The following ZNF85 variants were observed in gnomAD, a reference collection of about 807,000 sequenced individuals.
ZNF85 encodes zinc finger protein 85.
A neutral mutation model predicts 53.9 loss-of-function variants in ZNF85; 50 were observed. The ratio of observed to expected loss-of-function variants is 0.93; its 90% CI spans 0.74 to 1.17. ZNF85 has a LOEUF of 1.17. Among genes scored for constraint, ZNF85 ranks in the 50% most tolerant of loss-of-function variants. The probability of loss-of-function intolerance (pLI) is 0.00; values close to 1 mark genes in which losing one functional copy is unlikely to be tolerated. For synonymous variants in ZNF85, 225 were observed against 226.1 expected (o/e 1.00, Z 0.04); for missense variants, 747 against 688.5 (o/e 1.08, Z -0.95).
chr19:20,948,874 T>C lies in ZNF85; in HGVS notation c.360T>C (p.Ser120=). 8 of 1,613,584 alleles carry C rather than the reference T, an allele frequency of 5.0e-6. No individual in the cohort carries two copies. The highest frequency in any genetic ancestry group is 6.8e-6 in the Non-Finnish European group (8 of 1,179,744). ...TACCATTAAGAAAAGGCTGTGAAAG[T>C]ATGGATGAGTGTAAGATGCACAAAG... is the stretch of plus-strand genomic sequence containing the variant. ...ENLPLRKGCE[S]MDECKMHKGG... The change falls in exon 4 of 4, where the codon AGT becomes AGC. Residue 120 remains serine, a synonymous_variant. Coordinates refer to ENST00000328178, the MANE Select transcript of ZNF85 (RefSeq NM_003429.5).
rs1430057002 is a variant in ZNF85 at position 20,931,624 on chromosome 19, T to TC, written c.4-2400_4-2399insC. On this transcript the variant is annotated intron_variant, in intron 1 of 3. Transcript: ENST00000328178. Reference sequence around the variant, plus strand: ...TTTCTTTTTCTTTTTCTTTTTCTTTTTTTTTTTTTTTTTTTGAGGTGCAGT... The same window carrying TC: ...TTTCTTTTTCTTTTTCTTTTTCTTTTCTTTTTTTTTTTTTTTGAGGTGCAGT... Among the ~76,000 whole-genome samples, 552 of 142,532 alleles carry TC rather than the reference T, an allele frequency of 3.9e-3. 4 individuals carry two copies. Among genetic ancestry groups the TC allele is most frequent in the African/African-American group, 0.015 (529 of 35,680 alleles). The allele number at this position is 142,532 out of a possible 152,430, so 93.5% of individuals were successfully genotyped here.
At chr19:20,940,073 T>TAAAATACCATGGTAATGGTA (rs1973258459) in intron 3 of ZNF85, among the ~76,000 whole-genome samples, 1 of 151,712 alleles carries the variant, frequency 6.6e-6, no homozygotes, top group Admixed American at 6.6e-5. Flanking sequence ...TTACCATGCG[T>TAAAATACCATGGTAATGGTA]TTAATAATGA....
At chr19:20,926,483 T>C (rs1340511306) in intron 1 of ZNF85, among the ~76,000 whole-genome samples, 1 of 152,178 alleles carries the variant, frequency 6.6e-6, no homozygotes, top group Admixed American at 6.5e-5. Context: ...GTTTGAGTGA[T>C]TTCATTGGAG....
At chr19:20,923,657 G>A (rs1972812040) in intron 1 of ZNF85, among the ~76,000 whole-genome samples, 1 of 152,150 alleles carries the variant, frequency 6.6e-6, no homozygotes, top group Admixed American at 6.6e-5. Flanking sequence ...CTCTGCATTC[G>A]CAGCACCGCG....
intron 3 of ZNF85, among the ~76,000 whole-genome samples, chr19:20,947,414 A>G (rs1374212472): frequency 6.7e-6 from 1 of 150,362 alleles, no homozygotes; most frequent in African/African-American, 2.4e-5. Context: ...ATTTTTATGT[A>G]ATAATATGTT....
At chr19:20,931,597 ATTTTCT>A (rs1046066947) in intron 1 of ZNF85, among the ~76,000 whole-genome samples, 42 of 122,048 alleles carry the variant, frequency 3.4e-4, no homozygotes, top group South Asian at 8.0e-4. Flanking sequence ...ATGTGGCCAT[ATTTTCT>A]TTTTCTTTTT....
At chr19:20,947,734 T>C (rs928745735) in intron 3 of ZNF85, among the ~76,000 whole-genome samples, 5 of 151,586 alleles carry the variant, frequency 3.3e-5, no homozygotes, top group African/African-American at 1.2e-4. Flanking sequence ...TTGAGCTTCT[T>C]CATTTTTACA....
rs1162619941 is a variant in ZNF85, at chr19:20,949,688, C to A, written c.1174C>A (p.His392Asn). Residue 392 changes from histidine (H) to asparagine (N), a missense_variant, in exon 4 of 4, where the codon CAT becomes AAT. His to Asn is a moderately conservative substitution (Grantham distance 68). Transcript: ENST00000328178. ...ACACCTTACTACACATAAGATAATTCATACTGGAGAGAAACCTTACAAATG... is the reference window on the plus strand; with the variant it reads ...ACACCTTACTACACATAAGATAATTAATACTGGAGAGAAACCTTACAAATG... ...FSHLTTHKII[H>N]TGEKPYKCKE... 6.2e-7 allele frequency: 1 copy of A among 1,613,206 alleles called. No homozygotes were observed. Among genetic ancestry groups the A allele is most frequent in the Non-Finnish European group, 8.5e-7 (1 of 1,179,508 alleles).
chr19:20,943,983 G>A (rs1188792571), intron 3 of ZNF85: 1 of 312,558 alleles, frequency 3.2e-6, no homozygotes, highest in African/African-American at 2.3e-5. Context: ...GTTACTTTCA[G>A]CTTATTTGAC....
In ZNF85 at chr19:20,949,713, G is replaced by A. The variant is rs1232005552; in HGVS notation, c.1199G>A (p.Cys400Tyr). Residue 400 changes from cysteine to tyrosine, a missense_variant, in exon 4 of 4, where the codon TGT becomes TAT. By Grantham distance (194) the Cys-to-Tyr change is radical. Transcript: ENST00000328178. ...CATACTGGAGAGAAACCTTACAAAT[G>A]TAAAGAATGTGGTAAAGCTTTTAAA... ...IIHTGEKPYK[C>Y]KECGKAFKHS... 2 of 1,612,984 alleles carry A rather than the reference G, an allele frequency of 1.2e-6. No individual in the cohort carries two copies. Among genetic ancestry groups the A allele is most frequent in the Middle Eastern group, 1.7e-4 (1 of 6,048 alleles).
intron 3 of ZNF85, among the ~76,000 whole-genome samples, chr19:20,939,082 G>T (rs1043321288): frequency 6.6e-6 from 1 of 151,940 alleles, no homozygotes; most frequent in Admixed American, 6.6e-5. Flanking sequence ...AAATTTTACT[G>T]CCATACAGTG....
intron 3 of ZNF85, among the ~76,000 whole-genome samples, chr19:20,945,893 GGTAA>G (rs1973407401): frequency 6.6e-6 from 1 of 152,070 alleles, no homozygotes; most frequent in Non-Finnish European, 1.5e-5. Context: ...AATAATTATG[GGTAA>G]GTAAATGACT....
At chr19:20,940,103 G>GAAA (rs143322119) in intron 3 of ZNF85, among the ~76,000 whole-genome samples, 1,685 of 137,150 alleles carry the variant, frequency 0.012, 25 homozygotes, top group African/African-American at 0.036. Flanking sequence ...TCCTTTATGT[G>GAAA]AAAAAAAAAA....
chr19:20,925,713 G>T (rs1173962175), intron 1 of ZNF85, among the ~76,000 whole-genome samples: 1 of 152,150 alleles, frequency 6.6e-6, no homozygotes, highest in Admixed American at 6.5e-5. Flanking sequence ...ACTTTAGTGA[G>T]CAGGAGCGGG....
chr19:20,925,247 A>G (rs1404808521), intron 1 of ZNF85, among the ~76,000 whole-genome samples: 2 of 152,132 alleles, frequency 1.3e-5, no homozygotes, highest in Non-Finnish European at 2.9e-5. Flanking sequence ...TCGCGAGGTC[A>G]GGAATTTGAG....
At position 20,949,460 on chromosome 19, in the gene ZNF85, T is replaced by C. The variant is rs1043869504; in HGVS notation, c.946T>C (p.Cys316Arg). 11 of 1,613,390 alleles carry C rather than the reference T, an allele frequency of 6.8e-6. No individual in the cohort carries two copies. The highest frequency in any genetic ancestry group is 9.3e-6 in the Non-Finnish European group (11 of 1,179,770). ...KIHTGEKPYK[C>R]EECGKAFKQS... ...TCATACTGGAGAGAAACCTTACAAA[T>C]GTGAAGAATGTGGCAAAGCCTTTAA... The change falls in exon 4 of 4, where the codon TGT (cysteine) becomes CGT (arginine). Residue 316 changes from cysteine (C) to arginine (R), a missense_variant. Cys to Arg is a radical substitution (Grantham distance 180). Coordinates refer to ENST00000328178, the MANE Select transcript of ZNF85 (RefSeq NM_003429.5).
intron 3 of ZNF85, among the ~76,000 whole-genome samples, chr19:20,941,262 C>T (rs1661378744): frequency 6.6e-6 from 1 of 151,928 alleles, no homozygotes; most frequent in Admixed American, 6.6e-5. Flanking sequence ...TTTGTGTTTC[C>T]TTTCTTCCCT....
At chr19:20,924,696 T>C (rs8103964) in intron 1 of ZNF85, among the ~76,000 whole-genome samples, 65,497 of 152,094 alleles carry the variant, frequency 0.43, 14,711 homozygotes, top group East Asian at 0.56. Context: ...TATATTTCAA[T>C]TAATAATTCT....
intron 3 of ZNF85, among the ~76,000 whole-genome samples, chr19:20,940,688 C>T (rs1973275504): frequency 6.6e-6 from 1 of 152,190 alleles, no homozygotes; most frequent in South Asian, 2.1e-4. Flanking sequence ...TCTTGACAAA[C>T]ACCCTTCCAC....
Sources: allele counts gnomAD v4.1 joint callset (sites outside exome capture counted in the v4.1 genomes callset), GRCh38; gene constraint gnomAD v4.1.1; transcripts MANE v1.5; gene names NCBI Gene and HGNC (gene_info 2026-07-23, HGNC 2026-07-21).